ZNF621: variants seen among roughly 807,000 people sequenced by gnomAD.
The protein encoded by ZNF621 is zinc finger protein 621.
In ZNF621, 6 loss-of-function variants were observed where a neutral mutation model predicts 12.7. The observed-to-expected ratio is 0.47, with a 90% CI of 0.26 to 0.93. The LOEUF (loss-of-function observed/expected upper bound fraction) is 0.93, where lower values mean the gene tolerates loss of function less well. Ranked by LOEUF, ZNF621 falls within the 40% of genes least tolerant of loss-of-function variation. The pLI, the probability that ZNF621 is intolerant of heterozygous loss-of-function variation, is 0.15. For synonymous variants in ZNF621, 156 were observed against 190.3 expected, an observed-to-expected ratio of 0.82 and a Z score of 1.48; for missense variants, 474 against 524.0, an observed-to-expected ratio of 0.90 and a Z score of 0.93.
Position 40,533,987 on chromosome 3 carries a change from T to C in ZNF621, c.*897T>C, listed in dbSNP as rs137868968. 296 of 152,638 alleles carry C rather than the reference T, an allele frequency of 1.9e-3. 1 individual carries two copies. Among genetic ancestry groups the C allele is most frequent in the African/African-American group, 6.7e-3 (280 of 41,552 alleles). The allele number at this position is 152,638 out of a possible 1,614,324, so 9.5% of individuals were successfully genotyped here. ...GTAATCATGTCTTTAAACGTGAAGT[T>C]TTTTTTTCTTTAGTTTTGCTCTTGA... On this transcript the variant is annotated 3_prime_UTR_variant, in exon 5 of 5. Coordinates refer to ENST00000339296, the MANE Select transcript of ZNF621 (RefSeq NM_198484.5).
At position 40,533,139 on chromosome 3, in the gene ZNF621, C is replaced by G; in HGVS notation, c.*49C>G. On this transcript the variant is annotated 3_prime_UTR_variant, in exon 5 of 5. Transcript: ENST00000339296. ...CTCTTATGCCTAGCAAATCTCCAGC[C>G]TAATTTTATATATTTTTTTGAGAAA... 1.3e-6 allele frequency: 2 copies of G among 1,517,850 alleles called. No homozygotes were observed. Among genetic ancestry groups the G allele is most frequent in the Non-Finnish European group, 1.8e-6 (2 of 1,131,522 alleles). 94.0% of individuals were successfully genotyped at this position (1,517,850 alleles called of 1,614,324 possible).
chr3:40,533,310 T>C lies in ZNF621; in HGVS notation c.*220T>C. 5 of 716,790 alleles carry C rather than the reference T, an allele frequency of 7.0e-6. No homozygotes were observed. The highest frequency in any genetic ancestry group is 1.1e-5 in the Non-Finnish European group (5 of 473,434). The allele number at this position is 716,790 out of a possible 1,614,324, so 44.4% of individuals were successfully genotyped here. ...CACGCCTCACCACGCCCAGCTAATT[T>C]CTGTATTTTTAGAAGAGATGGGGTT... On this transcript the variant is annotated 3_prime_UTR_variant, in exon 5 of 5. Coordinates refer to ENST00000339296, the MANE Select transcript of ZNF621 (RefSeq NM_198484.5).
chr3:40,524,679 C>G (rs879645873), upstream of ZNF621, among the ~76,000 whole-genome samples: 2 of 152,198 alleles, frequency 1.3e-5, no homozygotes, highest in Non-Finnish European at 2.9e-5. Context: ...AGCCCGTGAA[C>G]TGGGGGCCCA....
Position 40,534,722 on chromosome 3 carries a change from C to G in ZNF621, c.*1632C>G, listed in dbSNP as rs1698821636. On this transcript the variant is annotated 3_prime_UTR_variant, in exon 5 of 5. Transcript: ENST00000339296. The stretch of plus-strand genomic sequence containing the variant: ...AAAATGCCCACCCCTCCTCCTTTAC[C>G]CAGCATAAACTCTATGGTTAATTCT... 1 of 152,098 alleles carries G rather than the reference C, an allele frequency of 6.6e-6. No homozygotes were observed. Among genetic ancestry groups the G allele is most frequent in the Non-Finnish European group, 1.5e-5 (1 of 68,044 alleles). 9.4% of individuals were successfully genotyped at this position (152,098 alleles called of 1,614,324 possible).
chr3:40,523,530 C>T (rs1158914534), upstream of ZNF621, among the ~76,000 whole-genome samples: 1 of 152,128 alleles, frequency 6.6e-6, no homozygotes, highest in East Asian at 1.9e-4. Flanking sequence ...CTTTGGGAGG[C>T]CGAGGTGCAC....
intron 2 of ZNF621, among the ~76,000 whole-genome samples, chr3:40,528,014 G>T (rs746513176): frequency 3.9e-5 from 6 of 152,122 alleles, no homozygotes; most frequent in Non-Finnish European, 8.8e-5. Context: ...ACACATCATT[G>T]TCATCCAAAG....
chr3:40,530,363 G>C (rs917618449), intron 4 of ZNF621, 47 bp downstream of exon 4: 6 of 1,480,134 alleles, frequency 4.1e-6, no homozygotes, highest in African/African-American at 1.4e-5. Flanking sequence ...TGCCTTCCTG[G>C]TTTACTAGGT....
chr3:40,526,893 T>C (rs1040600973), intron 2 of ZNF621, among the ~76,000 whole-genome samples: 1 of 152,248 alleles, frequency 6.6e-6, no homozygotes, highest in Non-Finnish European at 1.5e-5. Context: ...TTCGCCTTTG[T>C]TGTCCAGGCT....
chr3:40,526,272 G>T (rs753315153), intron 2 of ZNF621, among the ~76,000 whole-genome samples: 6 of 152,202 alleles, frequency 3.9e-5, no homozygotes, highest in Non-Finnish European at 5.9e-5. Context: ...CTGGGTTCAA[G>T]TGATTCCCAT....
rs1256722107 is a variant in ZNF621 at position 40,538,237 on chromosome 3, G to A, written c.*5147G>A. 13 of 419,942 alleles carry A rather than the reference G, an allele frequency of 3.1e-5. No individual in the cohort carries two copies. The highest frequency in any genetic ancestry group is 1.9e-4 in the Admixed American group (7 of 37,502). The allele number at this position is 419,942 out of a possible 1,614,324, so 26.0% of individuals were successfully genotyped here. Reference sequence around the variant, plus strand: ...TATTAGGAAAAAAGAATTCTGTCAGGTGTGGTGGCTCACACTTGTAATCCC... The same window carrying A: ...TATTAGGAAAAAAGAATTCTGTCAGATGTGGTGGCTCACACTTGTAATCCC... On this transcript the variant is annotated 3_prime_UTR_variant, in exon 5 of 5. Transcript: ENST00000339296.
Position 40,532,390 on chromosome 3 carries a change from A to G in ZNF621, c.620A>G (p.Tyr207Cys), listed in dbSNP as rs1327309818. The G allele has an allele frequency of 1.2e-5, 20 of 1,613,456 alleles. No homozygotes were observed. The highest frequency in any genetic ancestry group is 1.4e-5 in the Non-Finnish European group (17 of 1,180,032). The change falls in exon 5 of 5, where the codon TAT becomes TGT. Residue 207 changes from tyrosine to cysteine, a missense_variant. Tyr to Cys is a radical substitution (Grantham distance 194). Transcript: ENST00000339296. The part of the protein sequence containing the change: ...HEKNHIGEGP[Y>C]ECKECGKGLS... Reference sequence around the variant, plus strand: ...AAAAACCACATTGGAGAAGGGCCCTATGAATGTAAGGAGTGTGGCAAAGGT... The same window carrying G: ...AAAAACCACATTGGAGAAGGGCCCTGTGAATGTAAGGAGTGTGGCAAAGGT...
At chr3:40,526,260 T>A (rs1177463587) in intron 2 of ZNF621, among the ~76,000 whole-genome samples, 1 of 152,198 alleles carries the variant, frequency 6.6e-6, no homozygotes, top group East Asian at 1.9e-4. Flanking sequence ...AGCCTCTGCC[T>A]CCTGGGTTCA....
chr3:40,536,989 G>T lies in ZNF621; in HGVS notation c.*3899G>T, dbSNP rs183812579. 3.3e-5 allele frequency: 5 copies of T among 152,268 alleles called. No homozygotes were observed. The highest frequency in any genetic ancestry group is 9.6e-5 in the African/African-American group (4 of 41,544). 9.4% of individuals were successfully genotyped at this position (152,268 alleles called of 1,614,324 possible). A position where few individuals can be genotyped will look rare whatever the true frequency, so the allele number is the denominator to read the frequency against. On this transcript the variant is annotated 3_prime_UTR_variant, in exon 5 of 5. Coordinates refer to ENST00000339296, the MANE Select transcript of ZNF621 (RefSeq NM_198484.5). ...CAGTGAGCTTAGTTGATGTGTGTGT[G>T]TGTGTTCTGATTACTCCACTAACTG...
In ZNF621 at chr3:40,532,793, C is replaced by A. The variant is rs755695138; in HGVS notation, c.1023C>A (p.His341Gln). Residue 341 changes from histidine to glutamine, a missense_variant, in exon 5 of 5, where the codon CAC becomes CAA. His to Gln is a conservative substitution (Grantham distance 24). Coordinates refer to ENST00000339296, the MANE Select transcript of ZNF621 (RefSeq NM_198484.5). ...YGSFVQHQKL[H>Q]PVEKKPVKVL... ...GTTTTGTTCAGCATCAGAAATTGCACCCTGTGGAGAAGAAGCCAGTCAAGG... is the reference window on the plus strand; with the variant it reads ...GTTTTGTTCAGCATCAGAAATTGCAACCTGTGGAGAAGAAGCCAGTCAAGG... The A allele has an allele frequency of 6.8e-6, 11 of 1,614,188 alleles. No homozygotes were observed. In the South Asian group the frequency reaches 9.9e-5, roughly 14 times the overall value.
rs1181060368 is a variant in ZNF621, at chr3:40,536,105, A to T, written c.*3015A>T. ...CCCAGACTGTAATAGTATTATTATT[A>T]TTTTTTAAGATGGAATCTTGCTCTG... On this transcript the variant is annotated 3_prime_UTR_variant, in exon 5 of 5. Coordinates refer to ENST00000339296, the MANE Select transcript of ZNF621 (RefSeq NM_198484.5). 6.6e-6 allele frequency: 1 copy of T among 152,070 alleles called. No individual in the cohort carries two copies. Among genetic ancestry groups the T allele is most frequent in the Non-Finnish European group, 1.5e-5 (1 of 68,010 alleles). 9.4% of individuals were successfully genotyped at this position (152,070 alleles called of 1,614,324 possible). A position where few individuals can be genotyped will look rare whatever the true frequency, so the allele number is the denominator to read the frequency against.
intron 2 of ZNF621, among the ~76,000 whole-genome samples, chr3:40,528,084 T>C (rs1162979897): frequency 6.6e-6 from 1 of 152,242 alleles, no homozygotes; most frequent in Non-Finnish European, 1.5e-5. Flanking sequence ...ATTATAGTAT[T>C]ATATAAGCAG....
At chr3:40,530,171 G>A (rs368663755) in intron 3 of ZNF621, 38 bp from the exon 4 acceptor site, 33 of 1,562,634 alleles carry the variant, frequency 2.1e-5, no homozygotes, top group African/African-American at 1.2e-4. Context: ...AGCTCTGGAC[G>A]TCTCCCCTCA....
Position 40,538,023 on chromosome 3 carries a change from A to G in ZNF621, c.*4933A>G, listed in dbSNP as rs532295310. ...AGCTCGTCTCTCTTGTTAGGGGTTC[A>G]TGCAGCTGGTAACTTTAAGTTGAAG... On this transcript the variant is annotated 3_prime_UTR_variant, in exon 5 of 5. Transcript: ENST00000339296. Among the ~76,000 whole-genome samples, 1 of 152,368 alleles carries G rather than the reference A, an allele frequency of 6.6e-6. No homozygotes were observed. The highest frequency in any genetic ancestry group is 2.4e-5 in the African/African-American group (1 of 41,578).
At chr3:40,523,803 A>C (rs1698514738), upstream of ZNF621, among the ~76,000 whole-genome samples, 1 of 151,764 alleles carries the variant, frequency 6.6e-6, no homozygotes, top group Admixed American at 6.6e-5. Context: ...AAAAAAAAAA[A>C]AAACAAAGTC....
Sources: allele counts gnomAD v4.1 joint callset (sites outside exome capture counted in the v4.1 genomes callset), GRCh38; gene constraint gnomAD v4.1.1; transcripts MANE v1.5; gene names NCBI Gene and HGNC (gene_info 2026-07-23, HGNC 2026-07-21).